Variants in TMCC1 observed in about 807,000 individuals in gnomAD.
TMCC1 encodes transmembrane and coiled-coil domains protein 1.
A neutral mutation model predicts 52.4 loss-of-function variants in TMCC1; 15 were observed. That is an observed-to-expected ratio of 0.29 (90% CI 0.19 to 0.44). TMCC1 has a LOEUF of 0.44. Ranked by LOEUF, TMCC1 falls within the 20% of genes least tolerant of loss-of-function variation. TMCC1 has a pLI of 1.00. For synonymous variants in TMCC1, 279 were observed against 301.9 expected, an observed-to-expected ratio of 0.92 and a Z score of 0.79; for missense variants, 503 against 806.0, an observed-to-expected ratio of 0.62 and a Z score of 4.55.
In TMCC1 at chr3:129,891,785, A is replaced by G. The variant is rs557335342; in HGVS notation, c.-435+1709T>C. On this transcript the variant is annotated intron_variant, in intron 1 of 6. Coordinates refer to ENST00000393238, the MANE Select transcript of TMCC1 (RefSeq NM_001017395.5). ...CATTTGATGAATTAATGAATGATCCATAAATGCCACTCTGAGGAGCTTAAA... is the reference window on the plus strand; with the variant it reads ...CATTTGATGAATTAATGAATGATCCGTAAATGCCACTCTGAGGAGCTTAAA... Among the ~76,000 whole-genome samples, 3 of 152,362 alleles carry G rather than the reference A, an allele frequency of 2.0e-5. No individual in the cohort carries two copies. The South Asian group carries it at 6.2e-4, about 32-fold the overall frequency.
At chr3:129,797,257 C>T (rs951221472) in intron 4 of TMCC1, among the ~76,000 whole-genome samples, 12 of 151,398 alleles carry the variant, frequency 7.9e-5, no homozygotes, top group Non-Finnish European at 1.2e-4. Context: ...ATCCGGGAAG[C>T]GGAGCTTGCA....
intron 4 of TMCC1, among the ~76,000 whole-genome samples, chr3:129,789,503 C>T (rs756304219): frequency 1.3e-5 from 2 of 151,904 alleles, no homozygotes; most frequent in Non-Finnish European, 2.9e-5. Flanking sequence ...TTTTTTGAGA[C>T]GGAGTCTCGC....
rs913911699 is a variant in TMCC1, at chr3:129,828,719, C to G, written c.-130-211G>C. On this transcript the variant is annotated intron_variant, in intron 3 of 6. Transcript: ENST00000393238. This position sits in a 1 kb window ranked among gnomAD's most constrained non-coding sequence, Gnocchi z 4.1. ...TTAGAATGAGAGAAAAAGCCCAGAA[C>G]AAGTCCATAGGAAATTAAAACAGCA... is the stretch of plus-strand genomic sequence containing the variant. Among the ~76,000 whole-genome samples the G allele has an allele frequency of 1.3e-5, 2 of 152,044 alleles. No individual in the cohort carries two copies. Among genetic ancestry groups the G allele is most frequent in the African/African-American group, 4.8e-5 (2 of 41,420 alleles).
At position 129,651,515 on chromosome 3, in the gene TMCC1, C is replaced by A. The variant is rs2086320713; in HGVS notation, c.1928G>T (p.Ser643Ile). The A allele has an allele frequency of 3.1e-6, 5 of 1,614,038 alleles. No homozygotes were observed. The highest frequency in any genetic ancestry group is 3.4e-6 in the Non-Finnish European group (4 of 1,180,032). Residue 643 changes from serine (S) to isoleucine (I), a missense_variant, in exon 7 of 7, where the codon AGC becomes ATC. Physicochemically the swap from Ser to Ile is moderately radical, Grantham distance 142 (BLOSUM62 -2). This residue lies in a region of TMCC1 where 50 missense variants were observed against 62.6 expected (regional missense o/e 0.80). Coordinates refer to ENST00000393238, the MANE Select transcript of TMCC1 (RefSeq NM_001017395.5). This position sits in a 1 kb window ranked among gnomAD's most constrained non-coding sequence, Gnocchi z 5.1. ...FLWKHWDALF[S>I]YVERFFSSPR is the part of the protein sequence containing the mutation. ...GGATGAAAAGAACCGTTCCACATAG[C>A]TGAAGAGGGCGTCCCAGTGCTTCCA...
intron 4 of TMCC1, among the ~76,000 whole-genome samples, chr3:129,819,391 T>C (rs771588446): frequency 2.0e-5 from 3 of 152,192 alleles, no homozygotes; most frequent in Non-Finnish European, 4.4e-5. Flanking sequence ...TAAAAGTAAA[T>C]ATATTAGAAA....
chr3:129,699,925 T>C (rs1420573727), intron 4 of TMCC1, among the ~76,000 whole-genome samples: 1 of 151,946 alleles, frequency 6.6e-6, no homozygotes. Flanking sequence ...CTAAAACAAA[T>C]AAATGAAACA....
At chr3:129,708,148 AAAC>A (rs1191050791) in intron 4 of TMCC1, among the ~76,000 whole-genome samples, 1 of 152,202 alleles carries the variant, frequency 6.6e-6, no homozygotes, top group Non-Finnish European at 1.5e-5. Context: ...TTTATAAACA[AAAC>A]AAACATTGGG....
intron 4 of TMCC1, among the ~76,000 whole-genome samples, chr3:129,711,435 G>A (rs1439871250): frequency 1.3e-5 from 2 of 152,126 alleles, no homozygotes; most frequent in Non-Finnish European, 2.9e-5. Context: ...TTAATATCAT[G>A]TAATAAGATA....
intron 4 of TMCC1, among the ~76,000 whole-genome samples, chr3:129,708,527 T>A (rs1031904935): frequency 6.6e-6 from 1 of 152,244 alleles, no homozygotes; most frequent in African/African-American, 2.4e-5. Flanking sequence ...TACAGCTGAA[T>A]CACATAATGT....
chr3:129,658,705 C>T (rs965943824), intron 5 of TMCC1, among the ~76,000 whole-genome samples: 2 of 152,158 alleles, frequency 1.3e-5, no homozygotes, highest in South Asian at 2.1e-4. Context: ...TTGACAGATT[C>T]AAGTGCAGCC....
chr3:129,864,249 T>C (rs1406436764), intron 2 of TMCC1, among the ~76,000 whole-genome samples: 1 of 152,192 alleles, frequency 6.6e-6, no homozygotes, highest in Non-Finnish European at 1.5e-5. Context: ...AAAGTTGGAC[T>C]AGGTCTGAGC....
chr3:129,890,169 A>C (rs2061900684), intron 1 of TMCC1, among the ~76,000 whole-genome samples: 1 of 152,242 alleles, frequency 6.6e-6, no homozygotes, highest in African/African-American at 2.4e-5. Flanking sequence ...TGAAAAGTGA[A>C]GACTTAAATA....
At chr3:129,878,255 C>A (rs898187011) in intron 2 of TMCC1, among the ~76,000 whole-genome samples, 3 of 152,172 alleles carry the variant, frequency 2.0e-5, no homozygotes, top group Non-Finnish European at 4.4e-5. Flanking sequence ...TGAGCCACTG[C>A]GCCTGGCCAA....
At chr3:129,842,978 T>C (rs1284416769) in intron 2 of TMCC1, among the ~76,000 whole-genome samples, 1 of 152,160 alleles carries the variant, frequency 6.6e-6, no homozygotes, top group African/African-American at 2.4e-5. Context: ...CTTAATTATA[T>C]CTTATAAAAG....
chr3:129,670,100 G>T (rs890989480), intron 5 of TMCC1, among the ~76,000 whole-genome samples: 1 of 152,114 alleles, frequency 6.6e-6, no homozygotes, highest in South Asian at 2.1e-4. Context: ...AAATAAATAG[G>T]TGAAATACTT....
At chr3:129,704,993 C>T (rs1037048290) in intron 4 of TMCC1, among the ~76,000 whole-genome samples, 2 of 152,158 alleles carry the variant, frequency 1.3e-5, no homozygotes, top group Non-Finnish European at 2.9e-5. Flanking sequence ...AGACATAATA[C>T]CTTCTACTGG....
chr3:129,675,113 C>T (rs922248080), intron 4 of TMCC1, among the ~76,000 whole-genome samples: 2 of 152,192 alleles, frequency 1.3e-5, no homozygotes, highest in African/African-American at 2.4e-5. Flanking sequence ...GGATTATAGG[C>T]GTGAGCCACT....
chr3:129,841,309 G>A (rs140651199), intron 2 of TMCC1, among the ~76,000 whole-genome samples: 29 of 152,318 alleles, frequency 1.9e-4, no homozygotes, highest in African/African-American at 6.5e-4. Context: ...ACTGTCAGCC[G>A]GGGACAGTGG....
At chr3:129,852,865 T>C (rs1170831717) in intron 2 of TMCC1, among the ~76,000 whole-genome samples, 1 of 152,238 alleles carries the variant, frequency 6.6e-6, no homozygotes, top group Admixed American at 6.5e-5. Context: ...TTCTGAGTAG[T>C]GAGGTAATTT....
Sources: gnomAD v4.1 joint callset for allele counts (sites outside exome capture counted in the v4.1 genomes callset) on GRCh38, gnomAD v4.1.1 for gene constraint, gnomAD v4.1.1 regional missense constraint, Gnocchi (gnomAD v3.1) non-coding constraint, MANE v1.5 for transcripts, NCBI Gene and HGNC (gene_info 2026-07-23, HGNC 2026-07-21) for gene names.